The following PRDM16 variants were observed in gnomAD, a reference collection of about 807,000 sequenced individuals.
PRDM16 encodes PR/SET domain 16, also known as histone-lysine N-methyltransferase PRDM16.
A neutral mutation model predicts 110.6 loss-of-function variants in PRDM16; 23 were observed. The ratio of observed to expected loss-of-function variants is 0.21; its 90% CI spans 0.15 to 0.29. The LOEUF (loss-of-function observed/expected upper bound fraction) is 0.29, where lower values mean the gene tolerates loss of function less well. PRDM16 is among the 10% of genes least tolerant of loss of function. PRDM16 has a pLI of 1.00. For synonymous variants in PRDM16, 799 were observed against 781.8 expected (o/e 1.02, Z -0.37); for missense variants, 1,615 against 1,794.3 (o/e 0.90, Z 1.81).
At chr1:3,341,268 T>C (rs141973367) in intron 3 of PRDM16, among the ~76,000 whole-genome samples, 42 of 152,284 alleles carry the variant, frequency 2.8e-4, no homozygotes, top group African/African-American at 9.4e-4. Context: ...CAGGTTTCCA[T>C]CCCCGTTGGC....
chr1:3,098,087 T>TG lies in PRDM16; in HGVS notation c.37+28792dup, dbSNP rs1642448401. ...GCCCTTGTGCGGCTCCTTCCCAGTC[T>TG]GTAAAGGGCACTGAGGCCTCCTGTC... On this transcript the variant is annotated intron_variant, in intron 1 of 16. Coordinates refer to ENST00000270722, the MANE Select transcript of PRDM16 (RefSeq NM_022114.4). Among the ~76,000 whole-genome samples, 3 of 152,098 alleles carry TG rather than the reference T, an allele frequency of 2.0e-5. No homozygotes were observed. In the South Asian group the frequency reaches 6.2e-4, roughly 32 times the overall value.
chr1:3,195,170 G>C lies in PRDM16; in HGVS notation c.387+8696G>C, dbSNP rs1370805667. On this transcript the variant is annotated intron_variant, in intron 2 of 16. Transcript: ENST00000270722. ...GGAGCCTGAGGCCACCGTGGGGACA[G>C]GGATGCAGAGAAACCCATGGGCCTC... Among the ~76,000 whole-genome samples the C allele has an allele frequency of 2.6e-5, 4 of 152,328 alleles. No individual in the cohort carries two copies. The East Asian group carries it at 7.7e-4, about 30-fold the overall frequency.
intron 2 of PRDM16, among the ~76,000 whole-genome samples, chr1:3,239,630 C>T (rs1040361233): frequency 2.0e-5 from 3 of 152,172 alleles, no homozygotes; most frequent in Non-Finnish European, 4.4e-5. Flanking sequence ...TCCAACGAAG[C>T]TACTTCAGAA....
rs550527179 is a variant in PRDM16 at position 3,426,759 on chromosome 1, C to T, written c.3284+534C>T. On this transcript the variant is annotated intron_variant, in intron 14 of 16. Transcript: ENST00000270722. ...TGTATACATATGCCATTGATGAATC[C>T]TCACTTGTTCCTCACCTGGCCTTGC... Among the ~76,000 whole-genome samples the T allele has an allele frequency of 5.3e-5, 8 of 152,288 alleles. No homozygotes were observed. The South Asian group carries it at 1.7e-3, about 32-fold the overall frequency.
At chr1:3,356,572 T>C (rs1642607319) in intron 3 of PRDM16, among the ~76,000 whole-genome samples, 1 of 152,230 alleles carries the variant, frequency 6.6e-6, no homozygotes, top group Non-Finnish European at 1.5e-5. Flanking sequence ...AAGCCGCAGC[T>C]GCCAAGACAG....
chr1:3,082,860 G>A (rs1642062803), intron 1 of PRDM16, among the ~76,000 whole-genome samples: 1 of 152,216 alleles, frequency 6.6e-6, no homozygotes, highest in Non-Finnish European at 1.5e-5. Flanking sequence ...CTGCGTGGGA[G>A]CAAGTGCCTG....
chr1:3,181,673 C>G (rs1644197297), intron 1 of PRDM16, among the ~76,000 whole-genome samples: 1 of 144,628 alleles, frequency 6.9e-6, no homozygotes, highest in African/African-American at 2.6e-5. Context: ...CACAGTCTTA[C>G]ACGCGCAGTC....
rs548612418 is a variant in PRDM16, at chr1:3,142,546, G to A, written c.38-43579G>A. ...CACAGGGATCCTCCTCACCTGCGGC[G>A]TCATCCAAAGGCGTGTGGCACCCAG... On this transcript the variant is annotated intron_variant, in intron 1 of 16. Transcript: ENST00000270722. Among the ~76,000 whole-genome samples the A allele has an allele frequency of 1.3e-4, 20 of 152,268 alleles. 1 individual carries two copies. The East Asian group carries it at 3.7e-3, about 28-fold the overall frequency.
At chr1:3,219,867 C>G (rs989457300) in intron 2 of PRDM16, among the ~76,000 whole-genome samples, 2 of 152,218 alleles carry the variant, frequency 1.3e-5, no homozygotes, top group Non-Finnish European at 2.9e-5. Context: ...TCAGCAAAGC[C>G]AGCTCCCCCA....
intron 2 of PRDM16, among the ~76,000 whole-genome samples, chr1:3,233,750 T>C (rs1057186115): frequency 3.3e-5 from 5 of 151,852 alleles, no homozygotes; most frequent in Non-Finnish European, 5.9e-5. Flanking sequence ...CTTTTGGAGG[T>C]GATGGATGGG....
At chr1:3,332,239 C>T (rs1257767943) in intron 3 of PRDM16, among the ~76,000 whole-genome samples, 15 of 152,278 alleles carry the variant, frequency 9.9e-5, no homozygotes, top group African/African-American at 3.1e-4. Flanking sequence ...TTCTGCCACG[C>T]GCTGTGTACT....
chr1:3,087,696 C>T (rs769066965), intron 1 of PRDM16, among the ~76,000 whole-genome samples: 10 of 152,110 alleles, frequency 6.6e-5, no homozygotes, highest in African/African-American at 1.4e-4. Flanking sequence ...CAGGGATGGC[C>T]GGTGGCCCTC....
chr1:3,413,878 C>A (rs1014605818), intron 9 of PRDM16, among the ~76,000 whole-genome samples: 1 of 152,186 alleles, frequency 6.6e-6, no homozygotes, highest in Admixed American at 6.5e-5. Flanking sequence ...AGGCTTGTCA[C>A]CGGCATCTGG....
chr1:3,174,730 G>A (rs1199228393), intron 1 of PRDM16, among the ~76,000 whole-genome samples: 1 of 152,084 alleles, frequency 6.6e-6, no homozygotes, highest in African/African-American at 2.4e-5. Context: ...CAAGAGGGCT[G>A]GGAGCCTGTC....
rs1192664093 is a variant in PRDM16 at position 3,243,568 on chromosome 1, C to T, written c.388-519C>T. 6.6e-6 allele frequency among the ~76,000 whole-genome samples: 1 copy of T among 152,188 alleles called. No individual in the cohort carries two copies. The highest frequency in any genetic ancestry group is 1.5e-5 in the Non-Finnish European group (1 of 68,036). ...CCTCCTGAGCTGGACTGTAAGCCCC[C>T]GGAGGGCAGGGACTGCACCTCGCTG... On this transcript the variant is annotated intron_variant, in intron 2 of 16. Transcript: ENST00000270722. The surrounding 1 kb of genome is among the most constrained non-coding windows in gnomAD (Gnocchi z 5.5).
chr1:3,183,132 TGA>T (rs1294243793), intron 1 of PRDM16, among the ~76,000 whole-genome samples: 1 of 152,178 alleles, frequency 6.6e-6, no homozygotes, highest in Non-Finnish European at 1.5e-5. Flanking sequence ...CACTGACCTG[TGA>T]GAGAGTGCCT....
intron 1 of PRDM16, among the ~76,000 whole-genome samples, chr1:3,101,004 G>A (rs894972764): frequency 3.0e-4 from 46 of 152,210 alleles, no homozygotes; most frequent in Middle Eastern, 3.4e-3. Flanking sequence ...GTGGGTGTCC[G>A]GCTGAGGACA....
intron 3 of PRDM16, among the ~76,000 whole-genome samples, chr1:3,301,704 T>G (rs146179975): frequency 1.4e-3 from 216 of 152,350 alleles, no homozygotes; most frequent in African/African-American, 4.6e-3. Context: ...CTGTGTCTGT[T>G]GGCTTGTTAC....
rs146404528 is a variant in PRDM16, at chr1:3,228,312, C to T, written c.388-15775C>T. On this transcript the variant is annotated intron_variant, in intron 2 of 16. Coordinates refer to ENST00000270722, the MANE Select transcript of PRDM16 (RefSeq NM_022114.4). ...AGGATCCCACCGTTTTCTGCCTGAA[C>T]GTGCACAGGTGAATCTGCACACCCC... is the stretch of plus-strand genomic sequence containing the variant. Among the ~76,000 whole-genome samples, 50 of 152,332 alleles carry T rather than the reference C, an allele frequency of 3.3e-4. No homozygotes were observed. The East Asian group carries it at 5.0e-3, about 15-fold the overall frequency.
Sources: allele counts gnomAD v4.1 joint callset (sites outside exome capture counted in the v4.1 genomes callset), GRCh38; gene constraint gnomAD v4.1.1; non-coding constraint Gnocchi (gnomAD v3.1); transcripts MANE v1.5; gene names NCBI Gene and HGNC (gene_info 2026-07-23, HGNC 2026-07-21).